ITPR2: variants seen among roughly 807,000 people sequenced by gnomAD.
ITPR2 encodes inositol 1,4,5-trisphosphate-gated calcium channel ITPR2.
ITPR2 carries 207 observed loss-of-function variants against 317.1 expected under a neutral mutation model. The ratio of observed to expected loss-of-function variants is 0.65; its 90% CI spans 0.58 to 0.73. The LOEUF is 0.73. Ranked by LOEUF, ITPR2 falls within the 30% of genes least tolerant of loss-of-function variation. The pLI is 0.00. For synonymous variants in ITPR2, 1,156 were observed against 1,149.1 expected (o/e 1.01, Z -0.12); for missense variants, 2,613 against 3,284.0 (o/e 0.80, Z 4.99).
chr12:26,555,478 C>A (rs1226849845), intron 36 of ITPR2, among the ~76,000 whole-genome samples: 5 of 152,292 alleles, frequency 3.3e-5, no homozygotes, highest in Middle Eastern at 3.4e-3. Flanking sequence ...CCCTCAATAA[C>A]GTGCCCTCCA....
At chr12:26,412,034 C>T (rs1940566628) in intron 51 of ITPR2, among the ~76,000 whole-genome samples, 1 of 152,124 alleles carries the variant, frequency 6.6e-6, no homozygotes, top group African/African-American at 2.4e-5. Context: ...TATGAAACAA[C>T]GTTTTATTTT....
chr12:26,579,966 T>G lies in ITPR2; in HGVS notation c.4509+61A>C, dbSNP rs1169471239. ...AGATGACTTCCTGACCAGAAAAAAT[T>G]TCTCCTACTCAAATAAGAGAAACTC... On this transcript the variant is annotated intron_variant, in intron 33 of 56. Transcript: ENST00000381340. The G allele has an allele frequency of 2.0e-6, 3 of 1,465,570 alleles. No homozygotes were observed. In the African/African-American group the frequency reaches 4.3e-5, roughly 21 times the overall value. The allele number at this position is 1,465,570 out of a possible 1,614,324, so 90.8% of individuals were successfully genotyped here.
At chr12:26,625,802 A>G (rs1228332560) in intron 23 of ITPR2, among the ~76,000 whole-genome samples, 1 of 152,152 alleles carries the variant, frequency 6.6e-6, no homozygotes, top group Non-Finnish European at 1.5e-5. Context: ...ATTTCCAAAC[A>G]CCATGGTCTT....
At chr12:26,394,507 A>G (rs1238913768) in intron 54 of ITPR2, among the ~76,000 whole-genome samples, 1 of 152,118 alleles carries the variant, frequency 6.6e-6, no homozygotes, top group Admixed American at 6.5e-5. Context: ...AACTAAGAAT[A>G]CATGGAGAGT....
chr12:26,449,704 T>A (rs572249810), intron 45 of ITPR2, among the ~76,000 whole-genome samples: 1 of 152,100 alleles, frequency 6.6e-6, no homozygotes, highest in Non-Finnish European at 1.5e-5. Flanking sequence ...GAGGAAGTGA[T>A]TCTGCATAGA....
intron 26 of ITPR2, among the ~76,000 whole-genome samples, chr12:26,603,971 C>T (rs1349071005): frequency 2.0e-5 from 3 of 152,088 alleles, no homozygotes; most frequent in African/African-American, 7.2e-5. Context: ...ACCCTAAACT[C>T]CTGACTATAA....
At chr12:26,792,150 A>T (rs529187071) in intron 1 of ITPR2, among the ~76,000 whole-genome samples, 1 of 152,248 alleles carries the variant, frequency 6.6e-6, no homozygotes, top group South Asian at 2.1e-4. Flanking sequence ...GATAGCCCAG[A>T]TAAAAACATA....
chr12:26,475,155 C>T (rs1317219581), intron 45 of ITPR2, 141 bp downstream of exon 45: 2 of 869,640 alleles, frequency 2.3e-6, no homozygotes, highest in East Asian at 2.7e-5. Flanking sequence ...TTCTGGGAGG[C>T]TGTTCCTCTC....
rs1949842218 is a variant in ITPR2 at position 26,771,473 on chromosome 12, T to A, written c.163+18684A>T. Among the ~76,000 whole-genome samples the A allele has an allele frequency of 2.0e-5, 3 of 152,244 alleles. No individual in the cohort carries two copies. In the South Asian group the frequency reaches 6.2e-4, roughly 32 times the overall value. On this transcript the variant is annotated intron_variant, in intron 2 of 56. Transcript: ENST00000381340. ...AATACATTTCTACTATATATAGAAG[T>A]CATTGTGGGTTGTTTGTTTTTTGTT...
At chr12:26,441,205 T>G (rs117437777) in intron 46 of ITPR2, among the ~76,000 whole-genome samples, 349 of 152,322 alleles carry the variant, frequency 2.3e-3, no homozygotes, top group South Asian at 8.7e-3. Context: ...TTCTTCCTGA[T>G]GTAGTGAGAA....
At chr12:26,702,276 CTAA>C (rs980432739) in intron 9 of ITPR2, among the ~76,000 whole-genome samples, 3 of 151,098 alleles carry the variant, frequency 2.0e-5, no homozygotes, top group African/African-American at 7.3e-5. Flanking sequence ...GAGAAAGGGT[CTAA>C]TAATATGCTC....
At chr12:26,389,017 C>T (rs1235161621) in intron 54 of ITPR2, among the ~76,000 whole-genome samples, 1 of 152,184 alleles carries the variant, frequency 6.6e-6, no homozygotes, top group Non-Finnish European at 1.5e-5. Flanking sequence ...ATGCTTTTGG[C>T]TCTACCTTCA....
intron 34 of ITPR2, among the ~76,000 whole-genome samples, chr12:26,574,337 G>C (rs1945228310): frequency 6.6e-6 from 1 of 152,118 alleles, no homozygotes; most frequent in South Asian, 2.1e-4. Flanking sequence ...AAAGTGAGGT[G>C]ATTTTAGATC....
intron 55 of ITPR2, among the ~76,000 whole-genome samples, chr12:26,358,753 G>C (rs577065225): frequency 9.9e-5 from 15 of 152,172 alleles, no homozygotes; most frequent in African/African-American, 3.6e-4. Flanking sequence ...GGGGCCTTAA[G>C]TGATCCAGTC....
chr12:26,704,797 T>C (rs1464341475), intron 9 of ITPR2, among the ~76,000 whole-genome samples: 1 of 152,006 alleles, frequency 6.6e-6, no homozygotes, highest in African/African-American at 2.4e-5. Flanking sequence ...TCCAGAGGGG[T>C]TAAATATTTG....
chr12:26,528,391 G>A (rs1265901059), intron 37 of ITPR2, among the ~76,000 whole-genome samples: 1 of 152,140 alleles, frequency 6.6e-6, no homozygotes, highest in Non-Finnish European at 1.5e-5. Flanking sequence ...GAGGAACACT[G>A]CATCTATCCC....
chr12:26,479,974 A>T (rs1399801956), intron 43 of ITPR2, among the ~76,000 whole-genome samples: 2 of 152,186 alleles, frequency 1.3e-5, no homozygotes, highest in African/African-American at 2.4e-5. Context: ...CTTCACGTAA[A>T]CATATGTACT....
At position 26,832,890 on chromosome 12, in the gene ITPR2, G is replaced by T. The variant is rs1951141410; in HGVS notation, c.-109C>A. ...CGGATCGGATCGCGGGACTACAGCGGCCAAGAGCCGCGGCGGAGGGCACGG... is the reference window on the plus strand; with the variant it reads ...CGGATCGGATCGCGGGACTACAGCGTCCAAGAGCCGCGGCGGAGGGCACGG... On this transcript the variant is annotated 5_prime_UTR_variant, in exon 1 of 57. Coordinates refer to ENST00000381340, the MANE Select transcript of ITPR2 (RefSeq NM_002223.4). The T allele has an allele frequency of 6.1e-6, 5 of 823,454 alleles. No homozygotes were observed. Among genetic ancestry groups the T allele is most frequent in the Non-Finnish European group, 7.8e-6 (4 of 512,536 alleles). 51.0% of individuals were successfully genotyped at this position (823,454 alleles called of 1,614,324 possible).
At chr12:26,460,367 C>T (rs573369675) in intron 45 of ITPR2, among the ~76,000 whole-genome samples, 3 of 152,230 alleles carry the variant, frequency 2.0e-5, no homozygotes, top group Admixed American at 6.5e-5. Context: ...GGTTTTTATT[C>T]GTTTGTTTTG....
Sources: gnomAD v4.1 joint callset for allele counts (sites outside exome capture counted in the v4.1 genomes callset) on GRCh38, gnomAD v4.1.1 for gene constraint, MANE v1.5 for transcripts, NCBI Gene and HGNC (gene_info 2026-07-23, HGNC 2026-07-21) for gene names.